PIP4K2A: variants seen among roughly 807,000 people sequenced by gnomAD.
The protein encoded by PIP4K2A is phosphatidylinositol 5-phosphate 4-kinase type-2 alpha.
In PIP4K2A, 14 loss-of-function variants were observed where a neutral mutation model predicts 42.9. The observed-to-expected ratio is 0.33, with a 90% confidence interval of 0.22 to 0.51. PIP4K2A has a LOEUF of 0.51. Ranked by LOEUF, PIP4K2A falls within the 20% of genes least tolerant of loss-of-function variation. The pLI is 0.97. For missense variants in PIP4K2A, 434 were observed against 519.8 expected (o/e 0.83, Z 1.61); for synonymous variants, 192 against 192.2 (o/e 1.00, Z 0.01).
chr10:22,570,913 C>T (rs1042646933), intron 5 of PIP4K2A, among the ~76,000 whole-genome samples: 4 of 152,108 alleles, frequency 2.6e-5, no homozygotes, highest in African/African-American at 9.6e-5. Context: ...TCTGAAGCCA[C>T]ACATCCTGGT....
intron 1 of PIP4K2A, 28 bp downstream of exon 1, chr10:22,714,155 G>C (rs748170209): frequency 1.1e-5 from 18 of 1,588,326 alleles, no homozygotes; most frequent in Non-Finnish European, 1.5e-5. Context: ...AGGAGGAAGG[G>C]GACCGCGCGC....
intron 2 of PIP4K2A, among the ~76,000 whole-genome samples, chr10:22,608,569 G>C (rs1837960149): frequency 6.6e-6 from 1 of 152,190 alleles, no homozygotes; most frequent in Admixed American, 6.5e-5. Context: ...GCCCCCTGAA[G>C]AAATTTCATA....
At chr10:22,683,827 C>CA (rs1235693137) in intron 1 of PIP4K2A, among the ~76,000 whole-genome samples, 1 of 143,422 alleles carries the variant, frequency 7.0e-6, no homozygotes, top group African/African-American at 2.8e-5. Context: ...GCTTTCCTAC[C>CA]AAGCAGTTCA....
At chr10:22,654,154 TC>T (rs1839047516) in intron 1 of PIP4K2A, among the ~76,000 whole-genome samples, 2 of 152,212 alleles carry the variant, frequency 1.3e-5, no homozygotes, top group Non-Finnish European at 2.9e-5. Context: ...CATTAATATT[TC>T]CAACTTAATT....
At chr10:22,586,578 T>G (rs1428775322) in intron 4 of PIP4K2A, among the ~76,000 whole-genome samples, 1 of 152,224 alleles carries the variant, frequency 6.6e-6, no homozygotes, top group African/African-American at 2.4e-5. Context: ...TTACCCAGGC[T>G]GGAGTGCAGT....
chr10:22,544,090 G>GACT (rs1283036534), intron 7 of PIP4K2A, among the ~76,000 whole-genome samples: 2 of 152,126 alleles, frequency 1.3e-5, no homozygotes, highest in African/African-American at 2.4e-5. Flanking sequence ...GCAACCCTAG[G>GACT]AGGAAGGTAA....
At chr10:22,628,456 G>A (rs368851461) in intron 1 of PIP4K2A, among the ~76,000 whole-genome samples, 4 of 152,286 alleles carry the variant, frequency 2.6e-5, no homozygotes, top group East Asian at 1.9e-4. Context: ...AAACAGTAAC[G>A]TCAACGAAGA....
chr10:22,542,125 G>A lies in PIP4K2A; in HGVS notation c.793-78C>T, dbSNP rs530058871. The A allele has an allele frequency of 8.3e-6, 11 of 1,332,200 alleles. No individual in the cohort carries two copies. The East Asian group carries it at 2.1e-4, about 25-fold the overall frequency. The allele number at this position is 1,332,200 out of a possible 1,614,324, so 82.5% of individuals were successfully genotyped here. A position where few individuals can be genotyped will look rare whatever the true frequency, so the allele number is the denominator to read the frequency against. Reference sequence around the variant, plus strand: ...ACATTTAAAGGAGACAAGCTCGGGTGACACCCAGAGGGAAGGCTGTGGGGT... The same window carrying A: ...ACATTTAAAGGAGACAAGCTCGGGTAACACCCAGAGGGAAGGCTGTGGGGT... On this transcript the variant is annotated intron_variant, in intron 7 of 9. Transcript: ENST00000376573.
intron 1 of PIP4K2A, among the ~76,000 whole-genome samples, chr10:22,644,676 T>C (rs12261467): frequency 0.01 from 1,558 of 152,316 alleles, 19 homozygotes; most frequent in African/African-American, 0.035. Context: ...ACCTGACAAC[T>C]TACTTTGTTC....
At chr10:22,571,690 G>C (rs891415773) in intron 5 of PIP4K2A, among the ~76,000 whole-genome samples, 1 of 152,222 alleles carries the variant, frequency 6.6e-6, no homozygotes, top group African/African-American at 2.4e-5. Context: ...ATTACCTCTT[G>C]TCAAGCTTTG....
At chr10:22,573,003 C>T (rs897410806) in intron 5 of PIP4K2A, among the ~76,000 whole-genome samples, 1 of 152,218 alleles carries the variant, frequency 6.6e-6, no homozygotes, top group Non-Finnish European at 1.5e-5. Context: ...CCTGTCTTTA[C>T]CCACCAGAAT....
At position 22,591,857 on chromosome 10, in the gene PIP4K2A, A is replaced by AAT. The variant is rs1837521160; in HGVS notation, c.340-77_340-76insAT. The AAT allele has an allele frequency of 2.4e-6, 3 of 1,260,184 alleles. No homozygotes were observed. In the South Asian group the frequency reaches 5.1e-5, roughly 22 times the overall value. The allele number at this position is 1,260,184 out of a possible 1,614,324, so 78.1% of individuals were successfully genotyped here. The stretch of plus-strand genomic sequence containing the variant: ...AAAGGTGTGGCTTTCCGATTCCCAG[A>AAT]TAATTTGTCATCATTGCAAGTTTTC... On this transcript the variant is annotated intron_variant, in intron 3 of 9. Coordinates refer to ENST00000376573, the MANE Select transcript of PIP4K2A (RefSeq NM_005028.5).
rs1304297820 is a variant in PIP4K2A, at chr10:22,536,725, A to AAAAAAAAAAAAACC, written c.*475_*476insGGTTTTTTTTTTTT. The AAAAAAAAAAAAACC allele has an allele frequency of 1.6e-5, 2 of 124,102 alleles. 1 individual carries two copies. The allele number at this position is 124,102 out of a possible 1,614,324, so 7.7% of individuals were successfully genotyped here. On this transcript the variant is annotated 3_prime_UTR_variant, in exon 10 of 10. Coordinates refer to ENST00000376573, the MANE Select transcript of PIP4K2A (RefSeq NM_005028.5). ...ACATCTTTCAACTCCAAAAAAAAAA[A>AAAAAAAAAAAAACC]AAAAAAAAAAAAACTGATCCACAGT...
intron 1 of PIP4K2A, among the ~76,000 whole-genome samples, chr10:22,682,849 G>A (rs995098408): frequency 6.6e-6 from 1 of 152,076 alleles, no homozygotes; most frequent in African/African-American, 2.4e-5. Context: ...ATTGCAACAG[G>A]ATCTGAAGAG....
intron 4 of PIP4K2A, among the ~76,000 whole-genome samples, chr10:22,574,444 G>GT (rs765734098): frequency 0.078 from 11,111 of 142,286 alleles, 1,160 homozygotes; most frequent in African/African-American, 0.24. Flanking sequence ...TTCATTTTCT[G>GT]TTTTTTTTTT....
chr10:22,658,653 G>C (rs1839147111), intron 1 of PIP4K2A, among the ~76,000 whole-genome samples: 1 of 152,170 alleles, frequency 6.6e-6, no homozygotes, highest in African/African-American at 2.4e-5. Context: ...CATCAATCCA[G>C]TGGGATCATA....
At chr10:22,579,093 G>T (rs1178741344) in intron 4 of PIP4K2A, among the ~76,000 whole-genome samples, 2 of 152,096 alleles carry the variant, frequency 1.3e-5, no homozygotes, top group African/African-American at 4.8e-5. Flanking sequence ...CATATGTCGG[G>T]CATGAAAGGA....
chr10:22,584,464 C>T (rs545164373), intron 4 of PIP4K2A, among the ~76,000 whole-genome samples: 16 of 152,006 alleles, frequency 1.1e-4, no homozygotes, highest in Non-Finnish European at 1.9e-4. Context: ...AGGATGAGCA[C>T]GTTAAAGATG....
At chr10:22,706,373 T>A (rs1833822327) in intron 1 of PIP4K2A, among the ~76,000 whole-genome samples, 1 of 152,204 alleles carries the variant, frequency 6.6e-6, no homozygotes, top group Non-Finnish European at 1.5e-5. Context: ...CCATGCCAGC[T>A]TTCCTGCAGT....
Sources: gnomAD v4.1 joint callset for allele counts (sites outside exome capture counted in the v4.1 genomes callset) on GRCh38, gnomAD v4.1.1 for gene constraint, MANE v1.5 for transcripts, NCBI Gene and HGNC (gene_info 2026-07-23, HGNC 2026-07-21) for gene names.